The following XKR9 variants were observed in gnomAD, a reference collection of about 807,000 sequenced individuals.
XKR9 encodes XK-related protein 9.
Under a neutral mutation model 32.0 loss-of-function variants are expected in XKR9, and 32 were observed. The ratio of observed to expected loss-of-function variants is 1.00; its 90% CI spans 0.76 to 1.34. XKR9 has a LOEUF of 1.34. Among genes scored for constraint, XKR9 ranks in the 40% most tolerant of loss-of-function variants. XKR9 has a pLI of 0.00. For missense variants in XKR9, 546 were observed against 429.7 expected, an observed-to-expected ratio of 1.27 and a Z score of -2.39; for synonymous variants, 168 against 143.4, an observed-to-expected ratio of 1.17 and a Z score of -1.22.
intron 2 of XKR9, among the ~76,000 whole-genome samples, chr8:70,774,400 CTAGAGACACTGGAAT>C (rs950266056): frequency 8.5e-5 from 13 of 152,098 alleles, no homozygotes; most frequent in African/African-American, 3.1e-4. Context: ...ACCTCAGCCT[CTAGAGACACTGGAAT>C]TACAGGGACT....
chr8:70,798,192 T>C, the XKR9 span, among the ~76,000 whole-genome samples: 1 of 152,224 alleles, frequency 6.6e-6, no homozygotes, highest in Non-Finnish European at 1.5e-5. Flanking sequence ...TGTTCCTTTT[T>C]TTTTCTGCAA....
chr8:70,721,330 T>C (rs990597446), intron 4 of XKR9, among the ~76,000 whole-genome samples: 3 of 152,188 alleles, frequency 2.0e-5, no homozygotes, highest in Non-Finnish European at 4.4e-5. Context: ...TAGTTATTTC[T>C]TGTCTTCTGC....
chr8:70,669,431 T>A lies in XKR9; in HGVS notation c.-468T>A, dbSNP rs1818617213. ...GCGTGAGGCGAAGCTGGAATCTGCC[T>A]CTGTCACGGGGGCTGGTGCCTCACG... is the stretch of plus-strand genomic sequence containing the variant. On this transcript the variant is annotated 5_prime_UTR_variant, in exon 1 of 5. Transcript: ENST00000408926. 1 of 355,864 alleles carries A rather than the reference T, an allele frequency of 2.8e-6. No individual in the cohort carries two copies. Among genetic ancestry groups the A allele is most frequent in the African/African-American group, 2.2e-5 (1 of 45,682 alleles). The allele number at this position is 355,864 out of a possible 1,614,324, so 22.0% of individuals were successfully genotyped here.
chr8:71,053,701 T>C, the XKR9 span, among the ~76,000 whole-genome samples: 12 of 152,220 alleles, frequency 7.9e-5, no homozygotes, highest in Non-Finnish European at 1.5e-4. Flanking sequence ...ACAGAGGTTA[T>C]TCAGTTGAAA....
chr8:70,780,383 C>G (rs182722015), intron 2 of XKR9, among the ~76,000 whole-genome samples: 2 of 152,082 alleles, frequency 1.3e-5, no homozygotes, highest in East Asian at 3.9e-4. Context: ...AAATTTTCTT[C>G]AAAACGTTGT....
the XKR9 span, among the ~76,000 whole-genome samples, chr8:71,021,562 G>C: frequency 6.8e-6 from 1 of 147,970 alleles, no homozygotes; most frequent in Non-Finnish European, 1.5e-5. Flanking sequence ...GGGTGCAGTG[G>C]CGCGATCTCG....
At chr8:70,689,443 AATAT>A (rs34348878) in intron 3 of XKR9, among the ~76,000 whole-genome samples, 3 of 146,628 alleles carry the variant, frequency 2.0e-5, no homozygotes, top group Non-Finnish European at 4.5e-5. Context: ...CCATATTGCA[AATAT>A]ATATATATAT....
At chr8:70,888,556 TG>T in the XKR9 span, among the ~76,000 whole-genome samples, 1 of 151,996 alleles carries the variant, frequency 6.6e-6, no homozygotes, top group Non-Finnish European at 1.5e-5. Flanking sequence ...ATTTTCCTTA[TG>T]TTTTCTTCTA....
the XKR9 span, among the ~76,000 whole-genome samples, chr8:70,893,327 G>A: frequency 1.3e-5 from 2 of 151,558 alleles, no homozygotes; most frequent in African/African-American, 2.4e-5. Context: ...TTCTTTTTTT[G>A]GTAATTCATT....
chr8:70,920,435 TAAAC>T, the XKR9 span, among the ~76,000 whole-genome samples: 1 of 152,162 alleles, frequency 6.6e-6, no homozygotes, highest in East Asian at 1.9e-4. Context: ...TTTTGTTAAG[TAAAC>T]AAATTTTTAA....
At chr8:71,050,730 G>T in the XKR9 span, among the ~76,000 whole-genome samples, 1 of 152,150 alleles carries the variant, frequency 6.6e-6, no homozygotes, top group African/African-American at 2.4e-5. Context: ...AGTTATGCAT[G>T]GATGGACCTC....
rs142638239 is a variant in XKR9 at position 70,776,254 on chromosome 8, T to C, written n.353-13085T>C. 1.1e-3 allele frequency among the ~76,000 whole-genome samples: 169 copies of C among 152,320 alleles called. 1 individual carries two copies. Among genetic ancestry groups the C allele is most frequent in the South Asian group, 9.5e-3 (46 of 4,834 alleles). On this transcript the variant is annotated intron_variant and non_coding_transcript_variant, in intron 2 of 3. Transcript: ENST00000520273. ...CAGTTTCTTTAATTGACAAGGGAGTTATTCAGATTTTCTGCTCTTCTAGAA... is the reference window on the plus strand; with the variant it reads ...CAGTTTCTTTAATTGACAAGGGAGTCATTCAGATTTTCTGCTCTTCTAGAA...
the XKR9 span, among the ~76,000 whole-genome samples, chr8:70,961,890 T>A: frequency 6.6e-6 from 1 of 152,110 alleles, no homozygotes; most frequent in Non-Finnish European, 1.5e-5. Flanking sequence ...TTAAAAAAAA[T>A]TTACGAAAGT....
chr8:70,764,721 C>T (rs1807352166), intron 2 of XKR9, among the ~76,000 whole-genome samples: 1 of 152,088 alleles, frequency 6.6e-6, no homozygotes, highest in Admixed American at 6.6e-5. Flanking sequence ...ACATATTTCT[C>T]CTAATGCTAT....
chr8:70,874,939 G>T, the XKR9 span, among the ~76,000 whole-genome samples: 8 of 152,172 alleles, frequency 5.3e-5, no homozygotes, highest in African/African-American at 1.9e-4. Context: ...ATTGATTCTG[G>T]TTGTTCTGCC....
At chr8:70,951,683 C>T in the XKR9 span, among the ~76,000 whole-genome samples, 1 of 152,194 alleles carries the variant, frequency 6.6e-6, no homozygotes, top group Non-Finnish European at 1.5e-5. Context: ...CCTCTCTTTG[C>T]CAGGGCAGAT....
intron 3 of XKR9, among the ~76,000 whole-genome samples, chr8:70,687,310 C>T (rs59992214): frequency 0.41 from 60,942 of 149,020 alleles, 13,844 homozygotes; most frequent in Non-Finnish European, 0.52. Context: ...TTTCTCTCCT[C>T]CCTCTTTCTT....
At chr8:70,791,947 C>T (rs1807769477), downstream of XKR9, among the ~76,000 whole-genome samples, 1 of 152,076 alleles carries the variant, frequency 6.6e-6, no homozygotes, top group African/African-American at 2.4e-5. Flanking sequence ...GGCCAAGTGA[C>T]TTAGTAAGTA....
the XKR9 span, among the ~76,000 whole-genome samples, chr8:70,966,334 T>C: frequency 1.3e-4 from 20 of 152,232 alleles, no homozygotes; most frequent in East Asian, 3.3e-3. Context: ...CTACAACTTC[T>C]GCGTCCTGGG....
Sources: gnomAD v4.1 joint callset for allele counts (sites outside exome capture counted in the v4.1 genomes callset) on GRCh38, gnomAD v4.1.1 for gene constraint, MANE v1.5 for transcripts, NCBI Gene and HGNC (gene_info 2026-07-23, HGNC 2026-07-21) for gene names.